Variants in SMG9 observed in about 807,000 individuals in gnomAD.
SMG9 encodes nonsense-mediated mRNA decay factor SMG9.
In SMG9, 55 loss-of-function variants were observed where a neutral mutation model predicts 64.0. The ratio of observed to expected loss-of-function variants is 0.86; its 90% CI spans 0.69 to 1.08. The LOEUF (loss-of-function observed/expected upper bound fraction) is 1.08. Ranked by LOEUF, SMG9 falls within the 50% of genes least tolerant of loss-of-function variation. SMG9 has a pLI of 0.00. For missense variants in SMG9, 554 were observed against 681.3 expected (o/e 0.81, Z 2.08); for synonymous variants, 244 against 254.8 (o/e 0.96, Z 0.41).
In SMG9 at chr19:43,730,553, T is replaced by C. The variant is rs1375378558; in HGVS notation, c.*1043A>G. The stretch of plus-strand genomic sequence containing the variant: ...TTAAGGACAAGTTCTGTTTCTTAAG[T>C]CAAAAGTAGGCTTTTTTTTTTTTTT... On this transcript the variant is annotated 3_prime_UTR_variant, in exon 14 of 14. Transcript: ENST00000270066. The C allele has an allele frequency of 6.6e-6, 1 of 151,606 alleles. No homozygotes were observed. Among genetic ancestry groups the C allele is most frequent in the Non-Finnish European group, 1.5e-5 (1 of 67,960 alleles). The allele number at this position is 151,606 out of a possible 1,614,324, so 9.4% of individuals were successfully genotyped here.
intron 6 of SMG9, among the ~76,000 whole-genome samples, chr19:43,742,431 C>T (rs1326498143): frequency 2.6e-5 from 4 of 152,152 alleles, no homozygotes; most frequent in Non-Finnish European, 4.4e-5. Context: ...GCAAGACCCT[C>T]GTCTCTTAAA....
intron 7 of SMG9, 108 bp from the exon 8 acceptor site, chr19:43,738,325 G>T: frequency 1.1e-6 from 1 of 944,558 alleles, no homozygotes; most frequent in Non-Finnish European, 1.6e-6. Flanking sequence ...ACAAAGGCAG[G>T]CAATTTCTAA....
intron 10 of SMG9, chr19:43,734,055 A>G (rs1217378325): frequency 1.9e-6 from 1 of 526,522 alleles, no homozygotes; most frequent in Non-Finnish European, 3.4e-6. Context: ...GAGGAGGGAG[A>G]ACAGGTGGAC....
Position 43,744,876 on chromosome 19 carries a change from C to T in SMG9, c.597G>A (p.Leu199=). Residue 199 remains leucine (L), a synonymous_variant, in exon 6 of 14, where the codon TTG becomes TTA. Transcript: ENST00000270066. ...CAACCACCAACACATCAGTCTGATCCAACAGGTACTGTGGGAAAATACATA... is the reference window on the plus strand; with the variant it reads ...CAACCACCAACACATCAGTCTGATCTAACAGGTACTGTGGGAAAATACATA... ...NWCDSAIEYL[L]DQTDVLVVGV... 1.2e-6 allele frequency: 2 copies of T among 1,613,134 alleles called. No homozygotes were observed. Among genetic ancestry groups the T allele is most frequent in the Non-Finnish European group, 1.7e-6 (2 of 1,179,388 alleles).
At chr19:43,740,755 T>A (rs1361983734) in intron 6 of SMG9, among the ~76,000 whole-genome samples, 1 of 151,452 alleles carries the variant, frequency 6.6e-6, no homozygotes, top group Admixed American at 6.6e-5. Context: ...ACTCCCACAG[T>A]GAGAGAGAGT....
Position 43,732,948 on chromosome 19 carries a change from CTG to C in SMG9, c.1392_1393del (p.Ser465PhefsTer92). 6.2e-7 allele frequency: 1 copy of C among 1,613,848 alleles called. No homozygotes were observed. Among genetic ancestry groups the C allele is most frequent in the Non-Finnish European group, 8.5e-7 (1 of 1,179,942 alleles). Reference sequence around the variant, plus strand: ...GAGCTTGCTCACCAAGGACTGGAAACTGGGGTGGCCACGATACCCAGGCAGCA... The same window carrying C: ...GAGCTTGCTCACCAAGGACTGGAAACGGGTGGCCACGATACCCAGGCAGCA... On this transcript the variant is annotated frameshift_variant, in exon 13 of 14. Coordinates refer to ENST00000270066, the MANE Select transcript of SMG9 (RefSeq NM_019108.4). LOFTEE classifies it high-confidence loss of function.
chr19:43,753,983 T>C (rs561677849), intron 1 of SMG9, among the ~76,000 whole-genome samples: 5 of 152,032 alleles, frequency 3.3e-5, no homozygotes, highest in African/African-American at 1.2e-4. Flanking sequence ...CCGGGCTCCT[T>C]TGGGGATTAC....
chr19:43,741,564 C>G (rs149497894), intron 6 of SMG9, among the ~76,000 whole-genome samples: 1 of 152,130 alleles, frequency 6.6e-6, no homozygotes, highest in Non-Finnish European at 1.5e-5. Flanking sequence ...GAGGACCGTA[C>G]GGTGGAAAAA....
intron 7 of SMG9, chr19:43,739,853 C>A (rs531840324): frequency 3.5e-4 from 175 of 502,314 alleles, no homozygotes; most frequent in Non-Finnish European, 5.1e-4. Context: ...AACACACATT[C>A]TCCAGGGCCC....
At chr19:43,743,328 G>C (rs1968899095) in intron 6 of SMG9, among the ~76,000 whole-genome samples, 1 of 152,212 alleles carries the variant, frequency 6.6e-6, no homozygotes, top group South Asian at 2.1e-4. Context: ...TCATGAGTGA[G>C]CAGAGAAGAG....
chr19:43,731,146 G>C lies in SMG9; in HGVS notation c.*450C>G, dbSNP rs1568592813. 5 of 990,438 alleles carry C rather than the reference G, an allele frequency of 5.0e-6. No individual in the cohort carries two copies. Among genetic ancestry groups the C allele is most frequent in the Non-Finnish European group, 6.0e-6 (5 of 833,360 alleles). 61.4% of individuals were successfully genotyped at this position (990,438 alleles called of 1,614,324 possible). A position where few individuals can be genotyped will look rare whatever the true frequency, so the allele number is the denominator to read the frequency against. On this transcript the variant is annotated 3_prime_UTR_variant, in exon 14 of 14. Transcript: ENST00000270066. The stretch of plus-strand genomic sequence containing the variant: ...GGGTAGAGGAGTAAGTGGAACATAA[G>C]AACAGGCTTGCATGACTGTGTTTAT...
chr19:43,737,026 C>T (rs1275165216), intron 9 of SMG9, among the ~76,000 whole-genome samples: 1 of 152,148 alleles, frequency 6.6e-6, no homozygotes, highest in Non-Finnish European at 1.5e-5. Flanking sequence ...ATAATTCCGG[C>T]ACTTTAGGTG....
chr19:43,728,540 A>G lies in SMG9; in HGVS notation c.*3056T>C, dbSNP rs1045485033. 6.6e-6 allele frequency: 1 copy of G among 152,246 alleles called. No individual in the cohort carries two copies. The highest frequency in any genetic ancestry group is 2.4e-5 in the African/African-American group (1 of 41,452). 9.4% of individuals were successfully genotyped at this position (152,246 alleles called of 1,614,324 possible). A position where few individuals can be genotyped will look rare whatever the true frequency, so the allele number is the denominator to read the frequency against. On this transcript the variant is annotated 3_prime_UTR_variant, in exon 14 of 14. Transcript: ENST00000270066. ...GCAATGCAAGAACCGACTAAAACAGACACCATTATGAACTCAATTAATCAC... is the reference window on the plus strand; with the variant it reads ...GCAATGCAAGAACCGACTAAAACAGGCACCATTATGAACTCAATTAATCAC...
At chr19:43,738,573 A>T (rs760811033) in intron 7 of SMG9, among the ~76,000 whole-genome samples, 23 of 152,234 alleles carry the variant, frequency 1.5e-4, no homozygotes, top group East Asian at 3.8e-4. Flanking sequence ...TAAAAAAAAA[A>T]AATAATTAGT....
chr19:43,747,878 G>A lies in SMG9; in HGVS notation c.245C>T (p.Pro82Leu). The change falls in exon 4 of 14, where the codon CCA (proline) becomes CTA (leucine). Residue 82 changes from proline (P) to leucine (L), a missense_variant. Physicochemically the swap from Pro to Leu is moderately conservative, Grantham distance 98. Transcript: ENST00000270066. ...PAERSKQPPPPTAPAAPPAPA... is the reference protein window; with the variant it reads ...PAERSKQPPPLTAPAAPPAPA... ...AGCAGGCGGGGCAGCAGGGGCTGTTGGAGGTGGTGGCTGTTTTGACTACGG... is the reference window on the plus strand; with the variant it reads ...AGCAGGCGGGGCAGCAGGGGCTGTTAGAGGTGGTGGCTGTTTTGACTACGG... 1 of 1,611,324 alleles carries A rather than the reference G, an allele frequency of 6.2e-7. No homozygotes were observed. The highest frequency in any genetic ancestry group is 1.7e-5 in the Admixed American group (1 of 59,734).
At chr19:43,733,592 T>C in intron 11 of SMG9, 34 bp downstream of exon 11, 1 of 1,611,304 alleles carries the variant, frequency 6.2e-7, no homozygotes, top group Non-Finnish European at 8.5e-7. Context: ...ATTAGGAGGC[T>C]GACTAGCTTG....
intron 6 of SMG9, among the ~76,000 whole-genome samples, chr19:43,741,883 C>T (rs1968855770): frequency 1.3e-5 from 2 of 152,138 alleles, no homozygotes; most frequent in African/African-American, 2.4e-5. Flanking sequence ...CATGGTCGCT[C>T]ATGCCTGTAA....
chr19:43,747,868 AG>A lies in SMG9; in HGVS notation c.254del (p.Pro85LeufsTer17). On this transcript the variant is annotated frameshift_variant, in exon 4 of 14. Coordinates refer to ENST00000270066, the MANE Select transcript of SMG9 (RefSeq NM_019108.4). LOFTEE classifies it high-confidence loss of function. ...RSKQPPPPTAPAAPPAPAPLE... is the reference protein window; with the variant it reads ...RSKQPPPPTAXAAPPAPAPLE... ...GAGGGGCTGGAGCAGGCGGGGCAGC[AG>A]GGGCTGTTGGAGGTGGTGGCTGTTT... The A allele has an allele frequency of 6.2e-7, 1 of 1,609,522 alleles. No individual in the cohort carries two copies. The highest frequency in any genetic ancestry group is 8.5e-7 in the Non-Finnish European group (1 of 1,177,600).
chr19:43,744,120 G>A (rs762565587), intron 6 of SMG9, among the ~76,000 whole-genome samples: 1 of 151,996 alleles, frequency 6.6e-6, no homozygotes, highest in Non-Finnish European at 1.5e-5. Flanking sequence ...GTGCCCTTAT[G>A]CTTTATCTTC....
Sources: gnomAD v4.1 joint callset for allele counts (sites outside exome capture counted in the v4.1 genomes callset) on GRCh38, gnomAD v4.1.1 for gene constraint, MANE v1.5 for transcripts, NCBI Gene and HGNC (gene_info 2026-07-23, HGNC 2026-07-21) for gene names.